Variants in TNNI3K observed in about 807,000 individuals in gnomAD.
TNNI3K encodes the protein TNNI3 interacting kinase.
A neutral mutation model predicts 114.5 loss-of-function variants in TNNI3K; 140 were observed. The ratio of observed to expected loss-of-function variants is 1.22; its 90% CI spans 1.07 to 1.41. TNNI3K has a LOEUF of 1.41. TNNI3K is among the 40% of genes most tolerant of loss of function. The pLI, the probability that TNNI3K is intolerant of heterozygous loss-of-function variation, is 0.00. For missense variants in TNNI3K, 1,125 were observed against 1,007.6 expected, an observed-to-expected ratio of 1.12 and a Z score of -1.58; for synonymous variants, 347 against 347.5, an observed-to-expected ratio of 1.00 and a Z score of 0.02.
intron 5 of TNNI3K, among the ~76,000 whole-genome samples, chr1:74,328,742 G>T (rs997215643): frequency 1.3e-5 from 2 of 152,046 alleles, no homozygotes; most frequent in African/African-American, 4.8e-5. Context: ...AAAAAAAATG[G>T]CTTTAAACTG....
At chr1:74,474,184 G>T (rs954750067) in intron 21 of TNNI3K, among the ~76,000 whole-genome samples, 13 of 152,150 alleles carry the variant, frequency 8.5e-5, no homozygotes, top group African/African-American at 3.1e-4. Flanking sequence ...CCACAGAGAA[G>T]TTCAGGCATT....
chr1:74,282,324 C>T (rs1173199417), intron 5 of TNNI3K, among the ~76,000 whole-genome samples: 1 of 152,058 alleles, frequency 6.6e-6, no homozygotes, highest in Non-Finnish European at 1.5e-5. Flanking sequence ...AATATATTTT[C>T]TCACAGTTCA....
rs769510695 is a variant in TNNI3K, at chr1:74,463,555, G to C, written c.2121+5G>C. ...GGGTGGAACGCATGTCCTGAAGTGAGTAATTTTTATTTCCTCTTAGAAAAT... is the reference window on the plus strand; with the variant it reads ...GGGTGGAACGCATGTCCTGAAGTGACTAATTTTTATTTCCTCTTAGAAAAT... On this transcript the variant is annotated splice_donor_5th_base_variant and intron_variant, in intron 21 of 24. Transcript: ENST00000326637. 3.1e-6 allele frequency: 5 copies of C among 1,613,960 alleles called. 1 individual carries two copies. The Admixed American group carries it at 8.3e-5, about 27-fold the overall frequency.
intron 5 of TNNI3K, among the ~76,000 whole-genome samples, chr1:74,307,050 A>AACTTT (rs1457218108): frequency 6.6e-6 from 1 of 152,154 alleles, no homozygotes; most frequent in African/African-American, 2.4e-5. Flanking sequence ...GTGAGAGGTA[A>AACTTT]ACGTCCAGTT....
intron 5 of TNNI3K, among the ~76,000 whole-genome samples, chr1:74,274,853 C>T (rs1351552218): frequency 6.6e-6 from 1 of 152,010 alleles, no homozygotes; most frequent in Non-Finnish European, 1.5e-5. Context: ...TACAGCTGGG[C>T]AAAATCATCT....
At chr1:74,353,219 A>C (rs1297216922) in intron 9 of TNNI3K, 47 bp from the exon 10 acceptor site, 1 of 1,594,176 alleles carries the variant, frequency 6.3e-7, no homozygotes, top group East Asian at 2.2e-5. Context: ...AATTTAGTTC[A>C]TAACAAGGAC....
chr1:74,479,339 T>C (rs992265552), intron 21 of TNNI3K, among the ~76,000 whole-genome samples: 1 of 152,232 alleles, frequency 6.6e-6, no homozygotes, highest in Non-Finnish European at 1.5e-5. Context: ...GATGTAATGA[T>C]AGCTGATGCA....
At chr1:74,268,079 T>A (rs1261162094) in intron 4 of TNNI3K, among the ~76,000 whole-genome samples, 3 of 151,990 alleles carry the variant, frequency 2.0e-5, no homozygotes, top group Non-Finnish European at 4.4e-5. Flanking sequence ...TACAAGTTAT[T>A]TATGTATTAA....
intron 4 of TNNI3K, among the ~76,000 whole-genome samples, chr1:74,252,782 G>C (rs1334981278): frequency 6.6e-6 from 1 of 152,122 alleles, no homozygotes; most frequent in East Asian, 1.9e-4. Flanking sequence ...GCAGACCTTC[G>C]CGGTGAGTGT....
At chr1:74,281,786 A>G (rs1036927887) in intron 5 of TNNI3K, among the ~76,000 whole-genome samples, 1 of 115,764 alleles carries the variant, frequency 8.6e-6, no homozygotes, top group Non-Finnish European at 1.8e-5. Flanking sequence ...TTAAGTTTAA[A>G]TCATTAAACT....
chr1:74,332,535 C>T (rs769150751), intron 6 of TNNI3K, among the ~76,000 whole-genome samples: 1 of 152,042 alleles, frequency 6.6e-6, no homozygotes, highest in Admixed American at 6.6e-5. Flanking sequence ...CTCCTGACCT[C>T]GTGATCCTCC....
At chr1:74,314,658 C>T (rs1659201452) in intron 5 of TNNI3K, among the ~76,000 whole-genome samples, 1 of 152,046 alleles carries the variant, frequency 6.6e-6, no homozygotes, top group Admixed American at 6.6e-5. Flanking sequence ...GTCATAAACA[C>T]ATTTATAAAT....
At chr1:74,541,575 A>G (rs1382115881) in intron 24 of TNNI3K, 2 of 152,236 alleles carry the variant, frequency 1.3e-5, no homozygotes, top group Non-Finnish European at 1.5e-5. Flanking sequence ...GCATCCTTTG[A>G]AACATTTGCT....
intron 11 of TNNI3K, among the ~76,000 whole-genome samples, chr1:74,357,664 T>A (rs1296145750): frequency 6.6e-6 from 1 of 152,086 alleles, no homozygotes; most frequent in Non-Finnish European, 1.5e-5. Context: ...TGAAAATAAT[T>A]TTCCTGGTGA....
At chr1:74,496,948 A>G (rs1669357037) in intron 23 of TNNI3K, among the ~76,000 whole-genome samples, 1 of 152,168 alleles carries the variant, frequency 6.6e-6, no homozygotes, top group South Asian at 2.1e-4. Context: ...CTAAGAATAG[A>G]ATGATTTGAC....
chr1:74,268,217 G>T (rs1247456822), intron 4 of TNNI3K, among the ~76,000 whole-genome samples: 1 of 151,628 alleles, frequency 6.6e-6, no homozygotes, highest in Non-Finnish European at 1.5e-5. Context: ...ATAACTTTAT[G>T]CTTAAAAAGA....
chr1:74,492,331 A>G (rs111996322), intron 23 of TNNI3K, 65 bp downstream of exon 23: 3 of 1,390,496 alleles, frequency 2.2e-6, no homozygotes, highest in African/African-American at 2.8e-5. Flanking sequence ...AAGACAGTCA[A>G]CTGATTTGAT....
intron 9 of TNNI3K, among the ~76,000 whole-genome samples, chr1:74,348,429 C>T (rs1661140885): frequency 6.6e-6 from 1 of 152,158 alleles, no homozygotes; most frequent in Non-Finnish European, 1.5e-5. Flanking sequence ...AGTCAGGTAG[C>T]ATGATGCCTC....
intron 20 of TNNI3K, among the ~76,000 whole-genome samples, chr1:74,453,611 AGTGATAGG>A (rs1257606526): frequency 6.6e-6 from 1 of 152,178 alleles, no homozygotes; most frequent in Admixed American, 6.5e-5. Flanking sequence ...CTCCTACACA[AGTGATAGG>A]GATACATTCA....
Sources: allele counts gnomAD v4.1 joint callset (sites outside exome capture counted in the v4.1 genomes callset), GRCh38; gene constraint gnomAD v4.1.1; transcripts MANE v1.5; gene names NCBI Gene and HGNC (gene_info 2026-07-23, HGNC 2026-07-21).